Variants in UNC13C observed in about 807,000 individuals in gnomAD.
The protein encoded by UNC13C is protein unc-13 homolog C.
A neutral mutation model predicts 245.4 loss-of-function variants in UNC13C; 174 were observed. The ratio of observed to expected loss-of-function variants is 0.71; its 90% CI spans 0.63 to 0.80. The LOEUF is 0.80. Among genes scored for constraint, UNC13C ranks in the 30% least tolerant of loss-of-function variants. UNC13C has a pLI of 0.00. For missense variants in UNC13C, 2,829 were observed against 2,602.9 expected (o/e 1.09, Z -1.89); for synonymous variants, 992 against 895.1 (o/e 1.11, Z -1.93).
chr15:54,550,122 G>C (rs528829001), intron 28 of UNC13C, among the ~76,000 whole-genome samples: 1 of 152,210 alleles, frequency 6.6e-6, no homozygotes, highest in Non-Finnish European at 1.5e-5. Flanking sequence ...CCAAAACACT[G>C]GATTTAGGCA....
At chr15:54,618,524 T>C (rs1046021875) in intron 30 of UNC13C, among the ~76,000 whole-genome samples, 14 of 152,130 alleles carry the variant, frequency 9.2e-5, no homozygotes, top group African/African-American at 3.4e-4. Flanking sequence ...AATGGAAATA[T>C]AGGCTGCCTT....
At position 54,393,938 on chromosome 15, in the gene UNC13C, T is replaced by A. The variant is rs77101117; in HGVS notation, c.4847+757T>A. 4.3e-3 allele frequency among the ~76,000 whole-genome samples: 647 copies of A among 151,992 alleles called. 29 individuals are homozygous for A. In the East Asian group the frequency reaches 0.09, roughly 21 times the overall value. ...ATAAAAGCAAAAATAACATCAGACT[T>A]CCAGCTAGGCACTTGCAGTCTGGTT... On this transcript the variant is annotated intron_variant, in intron 18 of 32. Coordinates refer to ENST00000260323, the MANE Select transcript of UNC13C (RefSeq NM_001080534.3).
At chr15:54,432,724 C>G (rs999724210) in intron 19 of UNC13C, among the ~76,000 whole-genome samples, 1 of 151,736 alleles carries the variant, frequency 6.6e-6, no homozygotes, top group Non-Finnish European at 1.5e-5. Context: ...CAAAAGCTAG[C>G]AGAAGACAAG....
chr15:53,930,650 C>G, the UNC13C span, among the ~76,000 whole-genome samples: 5 of 152,292 alleles, frequency 3.3e-5, no homozygotes, highest in African/African-American at 1.2e-4. Context: ...GTAGCCTTTG[C>G]TGGATTTTAT....
the UNC13C span, among the ~76,000 whole-genome samples, chr15:53,866,962 G>T: frequency 6.6e-6 from 1 of 152,154 alleles, no homozygotes; most frequent in South Asian, 2.1e-4. Context: ...ATGGTTTCAG[G>T]TTGTTCACTG....
chr15:53,940,052 A>T, the UNC13C span, among the ~76,000 whole-genome samples: 35 of 152,212 alleles, frequency 2.3e-4, no homozygotes, highest in East Asian at 6.4e-3. Context: ...TATGCTTCCC[A>T]CCATCTCCCT....
chr15:54,433,720 G>C (rs1199373545), intron 19 of UNC13C, among the ~76,000 whole-genome samples: 1 of 152,036 alleles, frequency 6.6e-6, no homozygotes, highest in East Asian at 1.9e-4. Context: ...CGTAGTATTG[G>C]AAGTTCTGGC....
chr15:54,612,020 C>T (rs1048375859), intron 30 of UNC13C, among the ~76,000 whole-genome samples: 9 of 152,002 alleles, frequency 5.9e-5, no homozygotes, highest in Admixed American at 5.2e-4. Context: ...TCAGCAATTA[C>T]AAAATAAGTT....
At chr15:54,487,661 G>C (rs1258114962) in intron 19 of UNC13C, among the ~76,000 whole-genome samples, 1 of 151,304 alleles carries the variant, frequency 6.6e-6, no homozygotes, top group South Asian at 2.1e-4. Flanking sequence ...CAATGACTTG[G>C]TAGGCTGAGG....
intron 2 of UNC13C, among the ~76,000 whole-genome samples, chr15:54,112,137 A>C (rs1206460249): frequency 6.6e-6 from 1 of 152,232 alleles, no homozygotes; most frequent in African/African-American, 2.4e-5. Flanking sequence ...TACTATCCCC[A>C]ACATTTCCTC....
At chr15:54,370,079 C>T (rs1001241875) in intron 17 of UNC13C, among the ~76,000 whole-genome samples, 1 of 152,090 alleles carries the variant, frequency 6.6e-6, no homozygotes, top group African/African-American at 2.4e-5. Flanking sequence ...GGACTGCTAT[C>T]GAGCCAACGC....
chr15:54,009,402 G>T (rs376040780), intron 1 of UNC13C, among the ~76,000 whole-genome samples: 2 of 152,162 alleles, frequency 1.3e-5, no homozygotes, highest in African/African-American at 4.8e-5. Flanking sequence ...ACTGGGCTTT[G>T]CTATCTTCTA....
At chr15:54,070,803 C>G (rs1043944635) in intron 2 of UNC13C, among the ~76,000 whole-genome samples, 1 of 152,154 alleles carries the variant, frequency 6.6e-6, no homozygotes, top group Non-Finnish European at 1.5e-5. Context: ...AAGTGAAATC[C>G]AGAGAGTGAA....
chr15:54,304,653 TA>T (rs55692010), intron 13 of UNC13C, among the ~76,000 whole-genome samples: 3,575 of 123,270 alleles, frequency 0.029, 83 homozygotes, highest in African/African-American at 0.069. Flanking sequence ...GAGATGTAAC[TA>T]AAAAAAAAAA....
At chr15:54,607,449 G>A (rs1240154692) in intron 30 of UNC13C, among the ~76,000 whole-genome samples, 1 of 152,164 alleles carries the variant, frequency 6.6e-6, no homozygotes, top group Non-Finnish European at 1.5e-5. Context: ...GAGTTCCTCA[G>A]CACAGTTTGA....
At chr15:53,887,982 T>C in the UNC13C span, among the ~76,000 whole-genome samples, 1 of 152,226 alleles carries the variant, frequency 6.6e-6, no homozygotes, top group African/African-American at 2.4e-5. Flanking sequence ...GTTCCAAGTG[T>C]TTGCTATTGT....
At chr15:54,411,453 A>G (rs1477558207) in intron 18 of UNC13C, among the ~76,000 whole-genome samples, 2 of 152,216 alleles carry the variant, frequency 1.3e-5, no homozygotes, top group East Asian at 1.9e-4. Flanking sequence ...GTTTTCTTTC[A>G]GAAGTTTTAT....
chr15:54,030,002 C>A (rs1057163650), intron 2 of UNC13C, among the ~76,000 whole-genome samples: 3 of 152,180 alleles, frequency 2.0e-5, no homozygotes, highest in Non-Finnish European at 2.9e-5. Flanking sequence ...TTTGGGAGGG[C>A]AATTCAGGGC....
chr15:54,433,567 A>G (rs1401480585), intron 19 of UNC13C, among the ~76,000 whole-genome samples: 1 of 152,122 alleles, frequency 6.6e-6, no homozygotes, highest in Non-Finnish European at 1.5e-5. Context: ...TAAACTAGGT[A>G]TTGATGGAAC....
Sources: gnomAD v4.1 joint callset for allele counts (sites outside exome capture counted in the v4.1 genomes callset) on GRCh38, gnomAD v4.1.1 for gene constraint, MANE v1.5 for transcripts, NCBI Gene and HGNC (gene_info 2026-07-23, HGNC 2026-07-21) for gene names.